POT1: variants seen among roughly 807,000 people sequenced by gnomAD.
POT1 encodes the protein protection of telomeres protein 1.
POT1 carries 47 observed loss-of-function variants against 78.5 expected under a neutral mutation model. The observed-to-expected ratio is 0.60, with a 90% CI of 0.47 to 0.76. The LOEUF is 0.76. POT1 is among the 30% of genes least tolerant of loss of function. The pLI, the probability that POT1 is intolerant of heterozygous loss-of-function variation, is 0.00. For missense variants in POT1, 646 were observed against 749.9 expected (o/e 0.86, Z 1.62); for synonymous variants, 259 against 260.7 (o/e 0.99, Z 0.06).
intron 6 of POT1, among the ~76,000 whole-genome samples, chr7:124,881,860 A>G (rs1284152307): frequency 6.6e-6 from 1 of 152,040 alleles, no homozygotes; most frequent in Non-Finnish European, 1.5e-5. Context: ...CTTTAAATAA[A>G]TAGTACACAG....
intron 7 of POT1, among the ~76,000 whole-genome samples, chr7:124,864,182 G>C (rs1394253645): frequency 6.6e-6 from 1 of 152,124 alleles, no homozygotes; most frequent in African/African-American, 2.4e-5. Context: ...ACATCTTCAT[G>C]AAGTGACCCC....
At chr7:124,877,345 A>G (rs1355217913) in intron 6 of POT1, among the ~76,000 whole-genome samples, 1 of 152,200 alleles carries the variant, frequency 6.6e-6, no homozygotes, top group Non-Finnish European at 1.5e-5. Context: ...GGCCAATCAG[A>G]TATTTTACCT....
chr7:124,904,157 C>G (rs1796698849), intron 3 of POT1, among the ~76,000 whole-genome samples: 2 of 152,200 alleles, frequency 1.3e-5, no homozygotes, highest in Admixed American at 1.3e-4. Context: ...TCCTCCCTAA[C>G]TTATTTTATG....
At chr7:124,928,240 C>T (rs1797322847) in intron 2 of POT1, among the ~76,000 whole-genome samples, 3 of 152,168 alleles carry the variant, frequency 2.0e-5, no homozygotes, top group Admixed American at 6.5e-5. Context: ...TTCCTCTAAT[C>T]TTGCATTCGC....
intron 2 of POT1, among the ~76,000 whole-genome samples, chr7:124,927,971 T>C (rs1399806121): frequency 6.6e-6 from 1 of 152,176 alleles, no homozygotes; most frequent in Non-Finnish European, 1.5e-5. Context: ...ATATCATCAA[T>C]ATGATCTCAG....
At chr7:124,851,556 C>G (rs1795306547) in intron 11 of POT1, among the ~76,000 whole-genome samples, 1 of 152,176 alleles carries the variant, frequency 6.6e-6, no homozygotes, top group Non-Finnish European at 1.5e-5. Context: ...CAAAAACAAT[C>G]TTTGTTCCCT....
At chr7:124,897,252 A>AGTTCTTT in intron 4 of POT1, 40 bp from the exon 5 acceptor site, 1 of 890,524 alleles carries the variant, frequency 1.1e-6, no homozygotes, top group Non-Finnish European at 1.7e-6. Flanking sequence ...TATACAGATA[A>AGTTCTTT]CCTCCAATGT....
intron 6 of POT1, among the ~76,000 whole-genome samples, chr7:124,879,972 C>T (rs1380005372): frequency 6.6e-6 from 1 of 152,046 alleles, no homozygotes; most frequent in African/African-American, 2.4e-5. Flanking sequence ...TATAGTGTTT[C>T]CCCAAACACT....
At position 124,887,434 on chromosome 7, in the gene POT1, C is replaced by T. The variant is rs539779277; in HGVS notation, c.124+4832G>A. ...ACAGACTAGTTTTTTTTACATTATA[C>T]GTTAATAAAATATGCTGACCACAAG... On this transcript the variant is annotated intron_variant, in intron 6 of 18. Coordinates refer to ENST00000357628, the MANE Select transcript of POT1 (RefSeq NM_015450.3). Among the ~76,000 whole-genome samples the T allele has an allele frequency of 3.9e-5, 6 of 152,086 alleles. No individual in the cohort carries two copies. The South Asian group carries it at 6.2e-4, about 16-fold the overall frequency.
At chr7:124,906,816 C>T (rs1167585155) in intron 3 of POT1, among the ~76,000 whole-genome samples, 1 of 151,924 alleles carries the variant, frequency 6.6e-6, no homozygotes, top group Non-Finnish European at 1.5e-5. Context: ...CTCTTAGGAT[C>T]CAGTTTCCAT....
At chr7:124,827,916 C>T (rs953208547) in intron 16 of POT1, among the ~76,000 whole-genome samples, 2 of 151,988 alleles carry the variant, frequency 1.3e-5, no homozygotes, top group Non-Finnish European at 2.9e-5. Flanking sequence ...ACCTGTAATT[C>T]CAGCTCCTCT....
chr7:124,876,116 T>C (rs936999808), intron 6 of POT1, among the ~76,000 whole-genome samples: 1 of 152,216 alleles, frequency 6.6e-6, no homozygotes, highest in African/African-American at 2.4e-5. Flanking sequence ...GACAAAGTTT[T>C]CAAAAGTATT....
intron 8 of POT1, among the ~76,000 whole-genome samples, chr7:124,860,082 T>G (rs1029469006): frequency 2.6e-5 from 4 of 151,932 alleles, no homozygotes; most frequent in Non-Finnish European, 4.4e-5. Flanking sequence ...GTCTAGCTCC[T>G]CTGTTATTAA....
intron 3 of POT1, among the ~76,000 whole-genome samples, chr7:124,903,465 T>C (rs1311477364): frequency 6.6e-6 from 1 of 152,184 alleles, no homozygotes; most frequent in Admixed American, 6.5e-5. Flanking sequence ...AAAGATGTTC[T>C]TTGAAACCAA....
intron 5 of POT1, among the ~76,000 whole-genome samples, chr7:124,894,729 A>C (rs1339290108): frequency 6.6e-6 from 1 of 151,576 alleles, no homozygotes; most frequent in Non-Finnish European, 1.5e-5. Flanking sequence ...TGCTGACACA[A>C]TAAAGTATTG....
chr7:124,830,757 A>G (rs1465268880), intron 15 of POT1, among the ~76,000 whole-genome samples: 1 of 152,134 alleles, frequency 6.6e-6, no homozygotes, highest in African/African-American at 2.4e-5. Flanking sequence ...AATGCCAGAA[A>G]CTTGAAAGCA....
At chr7:124,928,388 T>A (rs1797327063) in intron 2 of POT1, among the ~76,000 whole-genome samples, 1 of 152,162 alleles carries the variant, frequency 6.6e-6, no homozygotes, top group African/African-American at 2.4e-5. Context: ...AAGGACTGCT[T>A]TTTACCTCAA....
At chr7:124,929,702 A>C (rs543005372) in intron 1 of POT1, 92 bp downstream of exon 1, 1 of 152,322 alleles carries the variant, frequency 6.6e-6, no homozygotes, top group East Asian at 1.9e-4. Context: ...CGATAATTAC[A>C]TCAAATTTTG....
chr7:124,831,294 T>TA (rs1410472020), intron 15 of POT1, among the ~76,000 whole-genome samples: 1 of 152,210 alleles, frequency 6.6e-6, no homozygotes, highest in Non-Finnish European at 1.5e-5. Flanking sequence ...GCAAAACTTA[T>TA]ATACACCTTA....
Sources: gnomAD v4.1 joint callset for allele counts (sites outside exome capture counted in the v4.1 genomes callset) on GRCh38, gnomAD v4.1.1 for gene constraint, MANE v1.5 for transcripts, NCBI Gene and HGNC (gene_info 2026-07-23, HGNC 2026-07-21) for gene names.